Variants in CPNE4 observed in about 807,000 individuals in gnomAD.
CPNE4 encodes copine-4.
A neutral mutation model predicts 67.9 loss-of-function variants in CPNE4; 25 were observed. That is an observed-to-expected ratio of 0.37 (90% CI 0.27 to 0.51). The LOEUF (loss-of-function observed/expected upper bound fraction) is 0.51. Among genes scored for constraint, CPNE4 ranks in the 20% least tolerant of loss-of-function variants. The pLI is 0.93. For missense variants in CPNE4, 464 were observed against 690.8 expected (o/e 0.67, Z 3.68); for synonymous variants, 242 against 244.9 (o/e 0.99, Z 0.11).
intron 1 of CPNE4, among the ~76,000 whole-genome samples, chr3:131,966,242 T>C (rs2072340362): frequency 6.6e-6 from 1 of 152,196 alleles, no homozygotes; most frequent in Admixed American, 6.5e-5. Flanking sequence ...GGAAAATTTA[T>C]AGCACTAAAT....
At chr3:132,002,605 T>G (rs1480928874) in intron 1 of CPNE4, among the ~76,000 whole-genome samples, 1 of 152,158 alleles carries the variant, frequency 6.6e-6, no homozygotes. Flanking sequence ...TGTGAAAATA[T>G]GACGCAGGAT....
intron 2 of CPNE4, among the ~76,000 whole-genome samples, chr3:131,879,233 A>C (rs936378183): frequency 1.4e-4 from 21 of 152,200 alleles, no homozygotes; most frequent in African/African-American, 3.9e-4. Flanking sequence ...GATTAAAGTG[A>C]ATGAAATGAG....
At chr3:131,815,336 A>C (rs113258760) in intron 2 of CPNE4, among the ~76,000 whole-genome samples, 7,357 of 152,290 alleles carry the variant, frequency 0.048, 608 homozygotes, top group African/African-American at 0.17. Context: ...AATTCTTTGG[A>C]TAAGAATTGA....
At chr3:131,909,533 T>C (rs2107785830) in intron 1 of CPNE4, among the ~76,000 whole-genome samples, 1 of 152,260 alleles carries the variant, frequency 6.6e-6, no homozygotes, top group South Asian at 2.1e-4. Flanking sequence ...GATGATGATA[T>C]TTAGTTTTAA....
intron 1 of CPNE4, among the ~76,000 whole-genome samples, chr3:132,031,186 A>C (rs1213307886): frequency 1.3e-5 from 2 of 152,230 alleles, no homozygotes; most frequent in Non-Finnish European, 2.9e-5. Flanking sequence ...TAATGCACCA[A>C]AGAATGGTCT....
intron 7 of CPNE4, among the ~76,000 whole-genome samples, chr3:131,590,668 G>A (rs1938470677): frequency 6.6e-6 from 1 of 152,124 alleles, no homozygotes; most frequent in Non-Finnish European, 1.5e-5. Flanking sequence ...GAATCTGTTT[G>A]TTAAAAAGTG....
At chr3:131,754,029 G>A (rs867186410) in intron 2 of CPNE4, among the ~76,000 whole-genome samples, 14 of 152,204 alleles carry the variant, frequency 9.2e-5, no homozygotes, top group South Asian at 4.1e-4. Flanking sequence ...GAAACATGAT[G>A]AATGCCCATC....
At chr3:131,878,782 G>T (rs9289403) in intron 2 of CPNE4, among the ~76,000 whole-genome samples, 1 of 151,120 alleles carries the variant, frequency 6.6e-6, no homozygotes, top group Non-Finnish European at 1.5e-5. Context: ...TGGGGTATGC[G>T]CTTATCTCTA....
chr3:132,020,526 T>G (rs1433647961), intron 1 of CPNE4, among the ~76,000 whole-genome samples: 1 of 152,214 alleles, frequency 6.6e-6, no homozygotes, highest in African/African-American at 2.4e-5. Flanking sequence ...GCATAGTATA[T>G]GCTTTGAATT....
intron 7 of CPNE4, among the ~76,000 whole-genome samples, chr3:131,657,355 C>T (rs922043075): frequency 2.0e-5 from 3 of 151,920 alleles, no homozygotes; most frequent in African/African-American, 7.3e-5. Context: ...TATTGGTTAC[C>T]TCATCAATTA....
At chr3:132,001,946 G>C (rs2073462708) in intron 1 of CPNE4, among the ~76,000 whole-genome samples, 1 of 152,046 alleles carries the variant, frequency 6.6e-6, no homozygotes, top group Admixed American at 6.6e-5. Flanking sequence ...TGTTGAGTAG[G>C]GGTTTTGTGT....
chr3:131,817,596 A>G (rs1158706071), intron 2 of CPNE4, among the ~76,000 whole-genome samples: 1 of 152,194 alleles, frequency 6.6e-6, no homozygotes, highest in Non-Finnish European at 1.5e-5. Context: ...GGGAAAAAGA[A>G]GAGTGGTAGG....
intron 2 of CPNE4, among the ~76,000 whole-genome samples, chr3:131,864,441 C>T (rs568959312): frequency 2.5e-3 from 374 of 152,098 alleles, no homozygotes; most frequent in Admixed American, 5.4e-3. Context: ...AAGTTGGATT[C>T]CTAGTTATTT....
rs540236096 is a variant in CPNE4, at chr3:131,581,104, C to T, written c.867+475G>A. On this transcript the variant is annotated intron_variant, in intron 9 of 15. Transcript: ENST00000429747. ...AGAAGAATCACTTGAACCTGGGTGGCAGAGGTTGCAGTGAGCCGATATCGC... is the reference window on the plus strand; with the variant it reads ...AGAAGAATCACTTGAACCTGGGTGGTAGAGGTTGCAGTGAGCCGATATCGC... Among the ~76,000 whole-genome samples the T allele has an allele frequency of 2.0e-5, 3 of 152,252 alleles. No individual in the cohort carries two copies. In the South Asian group the frequency reaches 6.2e-4, roughly 32 times the overall value.
At chr3:131,565,320 G>C (rs1280646054) in intron 10 of CPNE4, among the ~76,000 whole-genome samples, 2 of 152,000 alleles carry the variant, frequency 1.3e-5, no homozygotes, top group Admixed American at 1.3e-4. Context: ...CTGGGGTAGA[G>C]TAGAATACAT....
At chr3:131,619,618 TCAAA>T (rs1940353906) in intron 7 of CPNE4, among the ~76,000 whole-genome samples, 1 of 152,170 alleles carries the variant, frequency 6.6e-6, no homozygotes, top group Non-Finnish European at 1.5e-5. Context: ...AAATGTTTGT[TCAAA>T]CAAAGGTGTG....
At chr3:131,914,986 T>C (rs1158718305) in intron 1 of CPNE4, among the ~76,000 whole-genome samples, 1 of 152,044 alleles carries the variant, frequency 6.6e-6, no homozygotes, top group Non-Finnish European at 1.5e-5. Flanking sequence ...CAAAATAAAA[T>C]AAAATAAAAT....
At chr3:131,903,485 T>G (rs1038924870) in intron 2 of CPNE4, among the ~76,000 whole-genome samples, 2 of 151,894 alleles carry the variant, frequency 1.3e-5, no homozygotes, top group Non-Finnish European at 2.9e-5. Context: ...AAAAAAAACC[T>G]AGCTGCGGAA....
At chr3:131,592,634 C>T (rs973423025) in intron 7 of CPNE4, among the ~76,000 whole-genome samples, 2 of 148,954 alleles carry the variant, frequency 1.3e-5, no homozygotes, top group Admixed American at 1.3e-4. Flanking sequence ...TATATACACA[C>T]ACATATATAT....
Sources: allele counts gnomAD v4.1 joint callset (sites outside exome capture counted in the v4.1 genomes callset), GRCh38; gene constraint gnomAD v4.1.1; transcripts MANE v1.5; gene names NCBI Gene and HGNC (gene_info 2026-07-23, HGNC 2026-07-21).